TMEM87B: variants seen among roughly 807,000 people sequenced by gnomAD.
TMEM87B encodes the protein transmembrane protein 87B.
TMEM87B carries 83 observed loss-of-function variants against 80.3 expected under a neutral mutation model. That is an observed-to-expected ratio of 1.03 (90% CI 0.87 to 1.24). The LOEUF (loss-of-function observed/expected upper bound fraction) is 1.24. Ranked by LOEUF, TMEM87B falls within the 50% of genes most tolerant of loss-of-function variation. The probability of loss-of-function intolerance (pLI) is 0.00; values close to 1 mark genes in which losing one functional copy is unlikely to be tolerated. For synonymous variants in TMEM87B, 219 were observed against 230.5 expected, an observed-to-expected ratio of 0.95 and a Z score of 0.45; for missense variants, 625 against 674.4, an observed-to-expected ratio of 0.93 and a Z score of 0.81.
At chr2:112,055,880 C>T (rs1678037454) in intron 1 of TMEM87B, 124 bp downstream of exon 1, 1 of 1,217,842 alleles carries the variant, frequency 8.2e-7, no homozygotes, top group Non-Finnish European at 1.1e-6. Flanking sequence ...CCCCTGATAC[C>T]CTCCCTGAGC....
chr2:112,081,251 A>G, intron 7 of TMEM87B, 84 bp from the exon 8 acceptor site: 1 of 1,446,368 alleles, frequency 6.9e-7, no homozygotes. Context: ...CTGGAAAATG[A>G]AGGGTTGGAT....
intron 4 of TMEM87B, among the ~76,000 whole-genome samples, chr2:112,068,952 G>A (rs565603521): frequency 2.0e-5 from 3 of 151,982 alleles, no homozygotes; most frequent in Admixed American, 1.3e-4. Context: ...CAGCACTTTG[G>A]GAGGCCGAGG....
At chr2:112,098,566 G>A (rs1460354602) in intron 13 of TMEM87B, 29 bp from the exon 14 acceptor site, 12 of 1,605,758 alleles carry the variant, frequency 7.5e-6, no homozygotes, top group African/African-American at 5.4e-5. Flanking sequence ...GAAAATTAAC[G>A]TTTCATGCTT....
chr2:112,074,571 G>A (rs1469965158), intron 4 of TMEM87B, among the ~76,000 whole-genome samples: 1 of 152,100 alleles, frequency 6.6e-6, no homozygotes, highest in Non-Finnish European at 1.5e-5. Context: ...GTATCTTGTG[G>A]GGGTTCTTTG....
chr2:112,102,726 G>A (rs989982688), intron 15 of TMEM87B, among the ~76,000 whole-genome samples: 67 of 151,470 alleles, frequency 4.4e-4, no homozygotes, highest in African/African-American at 1.4e-3. Flanking sequence ...AAATAAAATA[G>A]TACAAATAAA....
intron 11 of TMEM87B, among the ~76,000 whole-genome samples, chr2:112,092,087 G>A (rs1030138089): frequency 6.6e-6 from 1 of 152,144 alleles, no homozygotes; most frequent in Non-Finnish European, 1.5e-5. Flanking sequence ...TACATAACTG[G>A]CATCAGTATA....
At chr2:112,089,812 T>C in intron 10 of TMEM87B, 94 bp downstream of exon 10, 1 of 1,253,508 alleles carries the variant, frequency 8.0e-7, no homozygotes, top group Non-Finnish European at 1.1e-6. Context: ...AGATAGAAAC[T>C]TGTGAAAAAG....
At chr2:112,071,091 T>G (rs1044857285) in intron 4 of TMEM87B, among the ~76,000 whole-genome samples, 2 of 152,084 alleles carry the variant, frequency 1.3e-5, no homozygotes, top group Non-Finnish European at 2.9e-5. Flanking sequence ...TCCAAAGTGC[T>G]GGGATTACAG....
chr2:112,084,297 G>A (rs997468443), intron 8 of TMEM87B, among the ~76,000 whole-genome samples: 3 of 152,088 alleles, frequency 2.0e-5, no homozygotes, highest in Admixed American at 6.5e-5. Flanking sequence ...GCACTCTTTC[G>A]GAGAGCTCAT....
chr2:112,081,235 G>A (rs748775409), intron 7 of TMEM87B, 100 bp from the exon 8 acceptor site: 3 of 1,432,922 alleles, frequency 2.1e-6, no homozygotes, highest in Non-Finnish European at 2.9e-6. Context: ...TCTGGTTCCA[G>A]AGTGACTGGA....
In TMEM87B at chr2:112,109,301, C is replaced by T; in HGVS notation, c.1577+1461C>T. Among the ~76,000 whole-genome samples, 3 of 152,180 alleles carry T rather than the reference C, an allele frequency of 2.0e-5. No homozygotes were observed. The Middle Eastern group carries it at 0.01, about 518-fold the overall frequency. On this transcript the variant is annotated intron_variant, in intron 17 of 18. Transcript: ENST00000283206. ...TATATTTCCCATGTATTTACTTTTTCTTCTTTCTTTCCTCTATATATGAGC... is the reference window on the plus strand; with the variant it reads ...TATATTTCCCATGTATTTACTTTTTTTTCTTTCTTTCCTCTATATATGAGC...
intron 6 of TMEM87B, among the ~76,000 whole-genome samples, chr2:112,080,146 C>T (rs1003615516): frequency 6.6e-6 from 1 of 151,914 alleles, no homozygotes; most frequent in African/African-American, 2.4e-5. Context: ...TCAGGCTGGT[C>T]TCGATCCCCT....
At chr2:112,091,342 TTCTG>T (rs1679294335) in intron 10 of TMEM87B, among the ~76,000 whole-genome samples, 1 of 152,232 alleles carries the variant, frequency 6.6e-6, no homozygotes, top group African/African-American at 2.4e-5. Flanking sequence ...CCTTCACTTT[TTCTG>T]TGTCCCTTCA....
At chr2:112,055,911 G>A (rs780517880) in intron 1 of TMEM87B, among the ~76,000 whole-genome samples, 155 bp downstream of exon 1, 1 of 152,042 alleles carries the variant, frequency 6.6e-6, no homozygotes, top group African/African-American at 2.4e-5. Context: ...TTACAGCCGG[G>A]GAGCGGGGAG....
rs753729050 is a variant in TMEM87B, at chr2:112,055,669, G to C, written c.78G>C (p.Leu26=). Residue 26 remains leucine, a synonymous_variant, in exon 1 of 19, where the codon CTG becomes CTC. Coordinates refer to ENST00000283206, the MANE Select transcript of TMEM87B (RefSeq NM_032824.3). ...RRCFPARAPL[L]RVALCLLCWT... is the part of the protein sequence containing the mutation. ...GCTTTCCCGCCCGGGCCCCGCTGCT[G>C]CGCGTCGCCCTCTGCCTCCTGTGCT... is the stretch of plus-strand genomic sequence containing the variant. The C allele has an allele frequency of 1.3e-6, 2 of 1,585,956 alleles. No homozygotes were observed. The highest frequency in any genetic ancestry group is 2.8e-5 in the African/African-American group (2 of 71,424).
chr2:112,112,872 A>G (rs772049987), intron 17 of TMEM87B, 27 bp from the exon 18 acceptor site: 1 of 1,610,376 alleles, frequency 6.2e-7, no homozygotes, highest in South Asian at 1.1e-5. Context: ...TAACAACATT[A>G]TCACCTTTTT....
At position 112,117,002 on chromosome 2, in the gene TMEM87B, T is replaced by C. The variant is rs1448736422; in HGVS notation, c.*859T>C. 1 of 152,544 alleles carries C rather than the reference T, an allele frequency of 6.6e-6. No homozygotes were observed. The highest frequency in any genetic ancestry group is 2.4e-5 in the African/African-American group (1 of 41,456). The allele number at this position is 152,544 out of a possible 1,614,324, so 9.4% of individuals were successfully genotyped here. A position where few individuals can be genotyped will look rare whatever the true frequency, so the allele number is the denominator to read the frequency against. ...GGAAATTAGAACTGTATCTTTTACA[T>C]AATCTTGGCATATTACATTTCATAA... On this transcript the variant is annotated 3_prime_UTR_variant, in exon 19 of 19. Coordinates refer to ENST00000283206, the MANE Select transcript of TMEM87B (RefSeq NM_032824.3).
chr2:112,071,344 C>G (rs1454585629), intron 4 of TMEM87B, among the ~76,000 whole-genome samples: 1 of 148,738 alleles, frequency 6.7e-6, no homozygotes, highest in Admixed American at 6.7e-5. Flanking sequence ...CTCTGTCATC[C>G]AGGCTGGAGT....
intron 14 of TMEM87B, 22 bp from the exon 15 acceptor site, chr2:112,100,600 C>G (rs763130143): frequency 2.0e-6 from 3 of 1,537,352 alleles, no homozygotes; most frequent in Non-Finnish European, 9.0e-7. Flanking sequence ...ACTAGTAAAA[C>G]TACTCCTTGT....
Sources: allele counts gnomAD v4.1 joint callset (sites outside exome capture counted in the v4.1 genomes callset), GRCh38; gene constraint gnomAD v4.1.1; transcripts MANE v1.5; gene names NCBI Gene and HGNC (gene_info 2026-07-23, HGNC 2026-07-21).